DLGAP5: variants seen among roughly 807,000 people sequenced by gnomAD.
DLGAP5 encodes disks large-associated protein 5.
A neutral mutation model predicts 99.6 loss-of-function variants in DLGAP5; 90 were observed. That is an observed-to-expected ratio of 0.90 (90% CI 0.76 to 1.08). The LOEUF (loss-of-function observed/expected upper bound fraction) is 1.08. Among genes scored for constraint, DLGAP5 ranks in the 50% least tolerant of loss-of-function variants. The pLI, the probability that DLGAP5 is intolerant of heterozygous loss-of-function variation, is 0.00. For synonymous variants in DLGAP5, 311 were observed against 321.3 expected, an observed-to-expected ratio of 0.97 and a Z score of 0.34; for missense variants, 1,036 against 983.5, an observed-to-expected ratio of 1.05 and a Z score of -0.71.
At position 55,176,850 on chromosome 14, in the gene DLGAP5, C is replaced by A. The variant is rs535364223; in HGVS notation, c.1049+212G>T. Among the ~76,000 whole-genome samples, 14 of 151,704 alleles carry A rather than the reference C, an allele frequency of 9.2e-5. No individual in the cohort carries two copies. In the East Asian group the frequency reaches 2.7e-3, roughly 29 times the overall value. Reference sequence around the variant, plus strand: ...AAAATTAGCCGGGCGTGGTGACGGGCGCCTGTAGTCCCAGCTACTTGAGAG... The same window carrying A: ...AAAATTAGCCGGGCGTGGTGACGGGAGCCTGTAGTCCCAGCTACTTGAGAG... On this transcript the variant is annotated intron_variant, in intron 8 of 18. Transcript: ENST00000247191.
intron 13 of DLGAP5, among the ~76,000 whole-genome samples, chr14:55,162,282 C>CTACTAT (rs1882472925): frequency 6.6e-6 from 1 of 152,154 alleles, no homozygotes; most frequent in African/African-American, 2.4e-5. Flanking sequence ...AAGTTACCTA[C>CTACTAT]TACTATTACT....
At chr14:55,162,945 AT>A (rs1200120954) in intron 13 of DLGAP5, 25 bp downstream of exon 13, 30 of 1,361,100 alleles carry the variant, frequency 2.2e-5, no homozygotes, top group South Asian at 1.2e-4. Context: ...AAAAAAAAAA[AT>A]TGGATATAAA....
At chr14:55,163,393 C>T (rs1882515119) in intron 12 of DLGAP5, among the ~76,000 whole-genome samples, 1 of 152,230 alleles carries the variant, frequency 6.6e-6, no homozygotes, top group African/African-American at 2.4e-5. Flanking sequence ...AATGTGAACA[C>T]AATCTAATTT....
Position 55,154,815 on chromosome 14 carries a change from T to C in DLGAP5, c.1874-9A>G, listed in dbSNP as rs774549425. The C allele has an allele frequency of 1.2e-5, 20 of 1,611,928 alleles. No individual in the cohort carries two copies. The African/African-American group carries it at 2.4e-4, about 19-fold the overall frequency. Reference sequence around the variant, plus strand: ...AGAAGAGACAGAAAGTCCTAGAAGATGAGAGAAATCACCTCAATACCAAAT... The same window carrying C: ...AGAAGAGACAGAAAGTCCTAGAAGACGAGAGAAATCACCTCAATACCAAAT... On this transcript the variant is annotated splice_polypyrimidine_tract_variant and intron_variant, in intron 14 of 18. Transcript: ENST00000247191.
chr14:55,181,936 G>A (rs904364809), intron 4 of DLGAP5, among the ~76,000 whole-genome samples: 28 of 152,252 alleles, frequency 1.8e-4, no homozygotes, highest in African/African-American at 6.7e-4. Context: ...ATATGCATAC[G>A]TGGAACTTAG....
At chr14:55,178,526 G>GTATT (rs1228610315) in intron 7 of DLGAP5, among the ~76,000 whole-genome samples, 1 of 152,134 alleles carries the variant, frequency 6.6e-6, no homozygotes, top group East Asian at 1.9e-4. Context: ...TCAAACCCAG[G>GTATT]TATTTCAACC....
chr14:55,185,674 G>C (rs919165436), intron 2 of DLGAP5, among the ~76,000 whole-genome samples: 1 of 151,928 alleles, frequency 6.6e-6, no homozygotes, highest in Non-Finnish European at 1.5e-5. Context: ...AGTAGAGATG[G>C]GGTTTCACCA....
intron 2 of DLGAP5, 55 bp downstream of exon 2, chr14:55,188,887 A>G: frequency 7.1e-7 from 1 of 1,411,482 alleles, no homozygotes; most frequent in Non-Finnish European, 9.8e-7. Context: ...CAGGCATTAA[A>G]CCAACTATTA....
intron 13 of DLGAP5, among the ~76,000 whole-genome samples, chr14:55,160,248 A>G (rs1882370257): frequency 6.6e-6 from 1 of 151,262 alleles, no homozygotes; most frequent in African/African-American, 2.4e-5. Flanking sequence ...AAAAAAAGTT[A>G]GCTGGGCGTG....
In DLGAP5 at chr14:55,148,336, G is replaced by C. The variant is rs200598972; in HGVS notation, c.*15C>G. The C allele has an allele frequency of 1.2e-6, 2 of 1,611,326 alleles. No homozygotes were observed. The highest frequency in any genetic ancestry group is 1.7e-5 in the Admixed American group (1 of 59,594). On this transcript the variant is annotated 3_prime_UTR_variant, in exon 19 of 19. Coordinates refer to ENST00000247191, the MANE Select transcript of DLGAP5 (RefSeq NM_014750.5). ...TTGATAATATGAAGGAAAATGTTTG[G>C]ATTTATTTTTAAATTCAAAATTCTC...
Position 55,181,267 on chromosome 14 carries a change from G to A in DLGAP5, c.526C>T (p.Arg176Ter), listed in dbSNP as rs1451866195. 6.8e-6 allele frequency: 11 copies of A among 1,613,984 alleles called. No homozygotes were observed. Among genetic ancestry groups the A allele is most frequent in the Admixed American group, 5.0e-5 (3 of 60,000 alleles). ...IDNESDVRAI[R>*]PGPRQTSEKK... Reference sequence around the variant, plus strand: ...TCAGAAGTTTGTCTTGGACCAGGTCGGATTGCTCGAACATCACTCTCGTTA... The same window carrying A: ...TCAGAAGTTTGTCTTGGACCAGGTCAGATTGCTCGAACATCACTCTCGTTA... The change falls in exon 5 of 19, where the codon CGA (arginine) becomes TGA (stop). Residue 176 changes from arginine to a stop codon, truncating the protein, a stop_gained. Coordinates refer to ENST00000247191, the MANE Select transcript of DLGAP5 (RefSeq NM_014750.5). LOFTEE classifies it high-confidence loss of function.
chr14:55,151,901 C>G lies in DLGAP5; in HGVS notation c.2162G>C (p.Ser721Thr). 6.2e-7 allele frequency: 1 copy of G among 1,613,892 alleles called. No homozygotes were observed. Among genetic ancestry groups the G allele is most frequent in the Non-Finnish European group, 8.5e-7 (1 of 1,179,920 alleles). The stretch of plus-strand genomic sequence containing the variant: ...AAGAAGAGGCAAACTCATTCTCTCA[C>G]TGGATAAACAATCCACCTTCAAGTC... Reference protein sequence around the residue: ...KTDLKVDCLSSERMSLPLLAG... With the variant: ...KTDLKVDCLSTERMSLPLLAG... Residue 721 changes from serine (S) to threonine (T), a missense_variant, in exon 17 of 19, where the codon AGT becomes ACT. Physicochemically the swap from Ser to Thr is moderately conservative, Grantham distance 58 (BLOSUM62 1). Transcript: ENST00000247191.
chr14:55,177,459 CA>C, intron 7 of DLGAP5, 123 bp from the exon 8 acceptor site: 1 of 834,400 alleles, frequency 1.2e-6, no homozygotes. Flanking sequence ...ATTTGAGAGA[CA>C]AAAACAGATA....
intron 2 of DLGAP5, among the ~76,000 whole-genome samples, chr14:55,186,677 T>TTTGA (rs1883447061): frequency 6.6e-6 from 1 of 151,820 alleles, no homozygotes; most frequent in African/African-American, 2.4e-5. Flanking sequence ...TCCATTCCAA[T>TTTGA]CTTTCACTCC....
In DLGAP5 at chr14:55,169,452, T is replaced by C; in HGVS notation, c.1495A>G (p.Lys499Glu). Residue 499 changes from lysine (K) to glutamate (E), a missense_variant, in exon 12 of 19, where the codon AAG becomes GAG. Coordinates refer to ENST00000247191, the MANE Select transcript of DLGAP5 (RefSeq NM_014750.5). Reference sequence around the variant, plus strand: ...TCCAGATCTGTACAGGTAGTCTCCTTTATACCTCGTTTATATTCACAATCA... The same window carrying C: ...TCCAGATCTGTACAGGTAGTCTCCTCTATACCTCGTTTATATTCACAATCA... Reference protein sequence around the residue: ...VDDCEYKRGIKETTCTDLDGF... With the variant: ...VDDCEYKRGIEETTCTDLDGF... 2 of 1,612,862 alleles carry C rather than the reference T, an allele frequency of 1.2e-6. No individual in the cohort carries two copies. Among genetic ancestry groups the C allele is most frequent in the Non-Finnish European group, 1.7e-6 (2 of 1,179,624 alleles).
intron 10 of DLGAP5, among the ~76,000 whole-genome samples, chr14:55,172,213 G>A (rs1003889609): frequency 4.6e-5 from 7 of 150,872 alleles, no homozygotes; most frequent in African/African-American, 1.7e-4. Context: ...GCCAGACTCA[G>A]TGGCTCATGC....
chr14:55,165,358 C>CA (rs1485075407), intron 12 of DLGAP5, among the ~76,000 whole-genome samples: 3 of 151,742 alleles, frequency 2.0e-5, no homozygotes, highest in Non-Finnish European at 4.4e-5. Flanking sequence ...CCCACCTCTA[C>CA]AAAAAAATAT....
At chr14:55,158,476 T>C in intron 14 of DLGAP5, 46 bp downstream of exon 14, 3 of 1,516,624 alleles carry the variant, frequency 2.0e-6, no homozygotes, top group Non-Finnish European at 2.7e-6. Flanking sequence ...TTCTCTTAAG[T>C]AGTCTCAGGA....
At chr14:55,170,086 T>C (rs547220920) in intron 11 of DLGAP5, among the ~76,000 whole-genome samples, 5 of 151,762 alleles carry the variant, frequency 3.3e-5, no homozygotes, top group East Asian at 3.9e-4. Flanking sequence ...AGGGAGCCGA[T>C]ATGGCGCCAT....
Sources: gnomAD v4.1 joint callset for allele counts (sites outside exome capture counted in the v4.1 genomes callset) on GRCh38, gnomAD v4.1.1 for gene constraint, MANE v1.5 for transcripts, NCBI Gene and HGNC (gene_info 2026-07-23, HGNC 2026-07-21) for gene names.